The following IGSF21 variants were observed in gnomAD, a reference collection of about 807,000 sequenced individuals.
IGSF21 encodes the protein immunoglobin superfamily member 21, also known as immunoglobulin superfamily member 21.
Under a neutral mutation model 46.8 loss-of-function variants are expected in IGSF21, and 28 were observed. That is an observed-to-expected ratio of 0.60 (90% CI 0.44 to 0.82). IGSF21 has a LOEUF of 0.82. IGSF21 is among the 40% of genes least tolerant of loss of function. IGSF21 has a pLI of 0.00. For synonymous variants in IGSF21, 284 were observed against 273.6 expected (o/e 1.04, Z -0.38); for missense variants, 624 against 665.5 (o/e 0.94, Z 0.69).
chr1:18,316,748 AG>A (rs2085546746), intron 3 of IGSF21, among the ~76,000 whole-genome samples: 1 of 152,214 alleles, frequency 6.6e-6, no homozygotes, highest in Non-Finnish European at 1.5e-5. Context: ...TGAGGATGAG[AG>A]TAATAGTACA....
chr1:18,197,485 A>G (rs2087021000), intron 1 of IGSF21, among the ~76,000 whole-genome samples: 1 of 152,214 alleles, frequency 6.6e-6, no homozygotes, highest in Non-Finnish European at 1.5e-5. Context: ...TGCTGTTTTC[A>G]GCTAAGCCAT....
At chr1:18,287,362 C>T (rs1025804489) in intron 2 of IGSF21, among the ~76,000 whole-genome samples, 5 of 151,950 alleles carry the variant, frequency 3.3e-5, no homozygotes, top group African/African-American at 1.2e-4. Context: ...TGCCACTACA[C>T]TCCAGGTTGG....
chr1:18,270,274 G>C (rs999036951), intron 2 of IGSF21, among the ~76,000 whole-genome samples: 1 of 152,298 alleles, frequency 6.6e-6, no homozygotes, highest in African/African-American at 2.4e-5. Context: ...TTAAACAAGG[G>C]AGAGAACAGT....
chr1:18,235,999 G>T (rs890379146), intron 2 of IGSF21, among the ~76,000 whole-genome samples: 1 of 152,062 alleles, frequency 6.6e-6, no homozygotes, highest in Admixed American at 6.6e-5. Flanking sequence ...GATGAGAGAA[G>T]GGGGGATTCA....
chr1:18,161,912 T>C (rs2086629454), intron 1 of IGSF21, among the ~76,000 whole-genome samples: 1 of 152,204 alleles, frequency 6.6e-6, no homozygotes, highest in Admixed American at 6.5e-5. Flanking sequence ...TTAACGTCTC[T>C]GAGCCTCTGT....
intron 2 of IGSF21, among the ~76,000 whole-genome samples, chr1:18,236,114 TTGGC>T (rs60118521): frequency 0.57 from 86,356 of 151,382 alleles, 24,975 homozygotes; most frequent in Non-Finnish European, 0.62. Flanking sequence ...GTGATATGGT[TTGGC>T]TATGTCCCCA....
chr1:18,130,221 G>T (rs1043136082), intron 1 of IGSF21, among the ~76,000 whole-genome samples: 5 of 152,286 alleles, frequency 3.3e-5, no homozygotes, highest in Middle Eastern at 3.4e-3. Context: ...GTGAGGTCTG[G>T]CCTTTGAGTG....
At chr1:18,137,901 T>G (rs1404506888) in intron 1 of IGSF21, among the ~76,000 whole-genome samples, 1 of 152,092 alleles carries the variant, frequency 6.6e-6, no homozygotes, top group Non-Finnish European at 1.5e-5. Context: ...ATTTTATAAA[T>G]GGAGAAAACT....
rs948938808 is a variant in IGSF21 at position 18,290,424 on chromosome 1, G to A, written c.184-1442G>A. ...CCGTGCCCTGGGAAGTCTCACTGCC[G>A]CTTCCTCTCAGGGTCCCAGAGCCTG... is the stretch of plus-strand genomic sequence containing the variant. On this transcript the variant is annotated intron_variant, in intron 2 of 9. Coordinates refer to ENST00000251296, the MANE Select transcript of IGSF21 (RefSeq NM_032880.5). The surrounding 1 kb of genome is among the most constrained non-coding windows in gnomAD (Gnocchi z 4.2). Among the ~76,000 whole-genome samples the A allele has an allele frequency of 1.3e-5, 2 of 152,276 alleles. No homozygotes were observed. The highest frequency in any genetic ancestry group is 6.5e-5 in the Admixed American group (1 of 15,294).
chr1:18,318,890 T>C (rs2085571428), intron 3 of IGSF21, among the ~76,000 whole-genome samples: 1 of 152,238 alleles, frequency 6.6e-6, no homozygotes, highest in East Asian at 1.9e-4. Context: ...ATGTGGCTTT[T>C]ATACCGGTTA....
intron 4 of IGSF21, among the ~76,000 whole-genome samples, chr1:18,339,345 A>G (rs954630284): frequency 6.6e-6 from 1 of 152,190 alleles, no homozygotes; most frequent in African/African-American, 2.4e-5. Context: ...CCCAAAGGCC[A>G]TGAGTCACAC....
intron 1 of IGSF21, among the ~76,000 whole-genome samples, chr1:18,122,758 C>G (rs1162671384): frequency 1.3e-5 from 2 of 151,188 alleles, no homozygotes; most frequent in Non-Finnish European, 3.0e-5. Flanking sequence ...GTAGCTGGCA[C>G]TACAGGTGCA....
chr1:18,227,992 G>A lies in IGSF21; in HGVS notation c.165G>A (p.Arg55=), dbSNP rs202178415. The A allele has an allele frequency of 6.2e-7, 1 of 1,613,892 alleles. No individual in the cohort carries two copies. The highest frequency in any genetic ancestry group is 1.3e-5 in the African/African-American group (1 of 75,046). The change falls in exon 2 of 10, where the codon CGG becomes CGA. Residue 55 remains arginine (R), a synonymous_variant. Coordinates refer to ENST00000251296, the MANE Select transcript of IGSF21 (RefSeq NM_032880.5). ...ACTTCAAGACAGATGGGCGCATGCG[G>A]GAGATCGTGTGGTACCGGGTAAGTC... ...KCNFKTDGRM[R]EIVWYRVTDG... is the part of the protein sequence containing the mutation.
In IGSF21 at chr1:18,335,086, G is replaced by C; in HGVS notation, c.424+76G>C. On this transcript the variant is annotated intron_variant, in intron 4 of 9. Coordinates refer to ENST00000251296, the MANE Select transcript of IGSF21 (RefSeq NM_032880.5). The surrounding 1 kb of genome is among the most constrained non-coding windows in gnomAD (Gnocchi z 4.8). ...GCTTGAGTGTGTGAATGTGCGCACA[G>C]AGTGGCCATCCTGGGGGCCATCCAC... 1 of 1,153,832 alleles carries C rather than the reference G, an allele frequency of 8.7e-7. No individual in the cohort carries two copies. The highest frequency in any genetic ancestry group is 1.3e-6 in the Non-Finnish European group (1 of 766,692). The allele number at this position is 1,153,832 out of a possible 1,614,324, so 71.5% of individuals were successfully genotyped here. A position where few individuals can be genotyped will look rare whatever the true frequency, so the allele number is the denominator to read the frequency against.
intron 2 of IGSF21, among the ~76,000 whole-genome samples, chr1:18,250,354 A>G (rs767653198): frequency 5.3e-5 from 8 of 151,890 alleles, no homozygotes; most frequent in Non-Finnish European, 1.2e-4. Flanking sequence ...CTAAAGACAG[A>G]GTAAGTGCTT....
At chr1:18,320,182 A>C (rs1438321705) in intron 3 of IGSF21, among the ~76,000 whole-genome samples, 1 of 152,128 alleles carries the variant, frequency 6.6e-6, no homozygotes, top group East Asian at 1.9e-4. Context: ...ATTACCTTGG[A>C]TCGGATCTTG....
At chr1:18,357,344 T>G (rs2086030193) in intron 4 of IGSF21, among the ~76,000 whole-genome samples, 1 of 135,686 alleles carries the variant, frequency 7.4e-6, no homozygotes, top group Non-Finnish European at 1.6e-5. Flanking sequence ...GAGATGAAGA[T>G]GGAGATGGGG....
At chr1:18,259,212 G>A (rs1407691618) in intron 2 of IGSF21, among the ~76,000 whole-genome samples, 1 of 152,152 alleles carries the variant, frequency 6.6e-6, no homozygotes. Context: ...TTGGGGCCAG[G>A]CCAGCTTGGG....
At chr1:18,339,689 C>T (rs554973477) in intron 4 of IGSF21, among the ~76,000 whole-genome samples, 5 of 152,326 alleles carry the variant, frequency 3.3e-5, no homozygotes, top group Non-Finnish European at 7.3e-5. Context: ...CACGCCACTG[C>T]TTTCTAGCCT....
Sources: gnomAD v4.1 joint callset for allele counts (sites outside exome capture counted in the v4.1 genomes callset) on GRCh38, gnomAD v4.1.1 for gene constraint, Gnocchi (gnomAD v3.1) non-coding constraint, MANE v1.5 for transcripts, NCBI Gene and HGNC (gene_info 2026-07-23, HGNC 2026-07-21) for gene names.